Variants in R3HDM4 observed in about 807,000 individuals in gnomAD.
R3HDM4 encodes R3H domain-containing protein 4.
R3HDM4 carries 30 observed loss-of-function variants against 31.3 expected under a neutral mutation model. That is an observed-to-expected ratio of 0.96 (90% CI 0.72 to 1.30). The LOEUF is 1.30. Among genes scored for constraint, R3HDM4 ranks in the 50% most tolerant of loss-of-function variants. The pLI is 0.00. For synonymous variants in R3HDM4, 196 were observed against 156.6 expected (o/e 1.25, Z -1.88); for missense variants, 444 against 366.1 (o/e 1.21, Z -1.74).
chr19:898,059 G>C (rs1250442657), intron 7 of R3HDM4, among the ~76,000 whole-genome samples: 2 of 152,094 alleles, frequency 1.3e-5, no homozygotes, highest in African/African-American at 4.8e-5. Flanking sequence ...TCTGAGGTCA[G>C]GAGGTCGAGA....
At position 913,096 on chromosome 19, in the gene R3HDM4, C is replaced by T. The variant is rs1346226914; in HGVS notation, c.62G>A (p.Arg21Gln). The T allele has an allele frequency of 9.3e-7, 1 of 1,073,566 alleles. No homozygotes were observed. Among genetic ancestry groups the T allele is most frequent in the Non-Finnish European group, 1.1e-6 (1 of 888,748 alleles). 66.5% of individuals were successfully genotyped at this position (1,073,566 alleles called of 1,614,324 possible). A position where few individuals can be genotyped will look rare whatever the true frequency, so the allele number is the denominator to read the frequency against. Residue 21 changes from arginine (R) to glutamine (Q), a missense_variant, in exon 1 of 8, where the codon CGG becomes CAG. Transcript: ENST00000361574. The surrounding 1 kb of genome is among the most constrained non-coding windows in gnomAD (Gnocchi z 5.0). The part of the protein sequence containing the change: ...PEAAEGTPGG[R>Q]RLLPLPSCLP... ...GCCCGCCCGCGCTCACAGCAGCCGC[C>T]GCCCGCCCGGGGTGCCCTCCGCCGC...
chr19:909,192 ACTC>A (rs771311667), intron 1 of R3HDM4, among the ~76,000 whole-genome samples: 5 of 152,000 alleles, frequency 3.3e-5, no homozygotes, highest in Admixed American at 6.6e-5. Flanking sequence ...TCCCAATTCT[ACTC>A]CTTGCAGATT....
At position 899,654 on chromosome 19, in the gene R3HDM4, A is replaced by C; in HGVS notation, c.594T>G (p.Leu198=). The C allele has an allele frequency of 6.2e-7, 1 of 1,603,768 alleles. No individual in the cohort carries two copies. Among genetic ancestry groups the C allele is most frequent in the Admixed American group, 1.7e-5 (1 of 58,152 alleles). Residue 198 remains leucine (L), a synonymous_variant, in exon 6 of 8, where the codon CTT becomes CTG. Transcript: ENST00000361574. This position sits in a 1 kb window ranked among gnomAD's most constrained non-coding sequence, Gnocchi z 6.8. ...CCTGGGGGGACACGGAGAAGAACCGAAGCAGCCGCTCCTCCCAGGTCTCCA... is the reference window on the plus strand; with the variant it reads ...CCTGGGGGGACACGGAGAAGAACCGCAGCAGCCGCTCCTCCCAGGTCTCCA... ...ETLETWEERL[L]RFFSVSPQAV...
chr19:913,050 C>G lies in R3HDM4; in HGVS notation c.71+37G>C, dbSNP rs771628262. 114 of 886,832 alleles carry G rather than the reference C, an allele frequency of 1.3e-4. No individual in the cohort carries two copies. The African/African-American group carries it at 1.9e-3, about 15-fold the overall frequency. The allele number at this position is 886,832 out of a possible 1,614,324, so 54.9% of individuals were successfully genotyped here. ...TCTCAGGGGAGGGAGCCCAGCCCGCCCCCGGCGCCCGCCGCGCCCCGCCCG... is the reference window on the plus strand; with the variant it reads ...TCTCAGGGGAGGGAGCCCAGCCCGCGCCCGGCGCCCGCCGCGCCCCGCCCG... On this transcript the variant is annotated intron_variant, in intron 1 of 7. Coordinates refer to ENST00000361574, the MANE Select transcript of R3HDM4 (RefSeq NM_138774.4). The surrounding 1 kb of genome is among the most constrained non-coding windows in gnomAD (Gnocchi z 5.0).
chr19:898,524 C>A (rs1187717625), intron 7 of R3HDM4, among the ~76,000 whole-genome samples: 1 of 151,326 alleles, frequency 6.6e-6, no homozygotes, highest in Non-Finnish European at 1.5e-5. Flanking sequence ...CGCTTGAACC[C>A]GGAGGTGGAG....
chr19:901,891 G>T, intron 2 of R3HDM4, 85 bp downstream of exon 2: 3 of 1,526,178 alleles, frequency 2.0e-6, no homozygotes, highest in Non-Finnish European at 2.7e-6. Flanking sequence ...CACAGCTCAT[G>T]GGAGGGGTAA....
At chr19:902,242 C>G in intron 1 of R3HDM4, 112 bp from the exon 2 acceptor site, 1 of 1,213,268 alleles carries the variant, frequency 8.2e-7, no homozygotes, top group Non-Finnish European at 1.2e-6. Context: ...GAGAGCTCAC[C>G]CCTACGGTGT....
At chr19:912,829 A>T (rs1228014264) in intron 1 of R3HDM4, among the ~76,000 whole-genome samples, 7 of 151,534 alleles carry the variant, frequency 4.6e-5, no homozygotes, top group African/African-American at 1.7e-4. Context: ...CCCCTCCCCC[A>T]GCGAGCCCCC....
intron 1 of R3HDM4, among the ~76,000 whole-genome samples, chr19:905,916 C>G (rs558683851): frequency 4.9e-4 from 74 of 152,322 alleles, no homozygotes; most frequent in Middle Eastern, 3.4e-3. Flanking sequence ...ATGGCCCAGG[C>G]AAGCCTGGCA....
At position 897,088 on chromosome 19, in the gene R3HDM4, A is replaced by G. The variant is rs1239048045; in HGVS notation, c.*349T>C. 1 of 229,354 alleles carries G rather than the reference A, an allele frequency of 4.4e-6. No homozygotes were observed. The highest frequency in any genetic ancestry group is 8.4e-6 in the Non-Finnish European group (1 of 119,186). 14.2% of individuals were successfully genotyped at this position (229,354 alleles called of 1,614,324 possible). A position where few individuals can be genotyped will look rare whatever the true frequency, so the allele number is the denominator to read the frequency against. Reference sequence around the variant, plus strand: ...AAAAATCTACAACAAATCACACCAAATTCATTAAAAGTGATAAAAACCCAG... The same window carrying G: ...AAAAATCTACAACAAATCACACCAAGTTCATTAAAAGTGATAAAAACCCAG... On this transcript the variant is annotated 3_prime_UTR_variant, in exon 8 of 8. Transcript: ENST00000361574.
In R3HDM4 at chr19:908,226, AC is replaced by A. The variant is rs1301612249; in HGVS notation, c.71+4860del. ...CAAAAACAAAAACAAAAACAAAAAA[AC>A]ATCTGGCCTCTGGGGTAGACAGGGG... is the stretch of plus-strand genomic sequence containing the variant. On this transcript the variant is annotated intron_variant, in intron 1 of 7. Coordinates refer to ENST00000361574, the MANE Select transcript of R3HDM4 (RefSeq NM_138774.4). Among the ~76,000 whole-genome samples the A allele has an allele frequency of 7.2e-5, 11 of 152,082 alleles. No individual in the cohort carries two copies. In the South Asian group the frequency reaches 1.0e-3, roughly 14 times the overall value.
At chr19:912,097 AGGTGGGGGGGGGGGT>A (rs1568344667) in intron 1 of R3HDM4, among the ~76,000 whole-genome samples, 7 of 684 alleles carry the variant, frequency 0.01, no homozygotes, top group East Asian at 0.045. Context: ...GGCCCCGGGG[AGGTGGGGGGGGGGGT>A]GGACCAGGGA....
chr19:908,482 C>T (rs1637868), intron 1 of R3HDM4, among the ~76,000 whole-genome samples: 67,552 of 151,592 alleles, frequency 0.45, 17,607 homozygotes, highest in Non-Finnish European at 0.58. Flanking sequence ...TAGTGGTGGG[C>T]GCCTGTGGTC....
intron 1 of R3HDM4, among the ~76,000 whole-genome samples, chr19:906,582 A>C (rs2036908394): frequency 6.6e-6 from 1 of 151,972 alleles, no homozygotes; most frequent in African/African-American, 2.4e-5. Flanking sequence ...TGGGAGGGGT[A>C]CTCAGAGCCA....
chr19:909,177 G>A (rs937213068), intron 1 of R3HDM4, among the ~76,000 whole-genome samples: 8 of 152,208 alleles, frequency 5.3e-5, no homozygotes, highest in African/African-American at 1.9e-4. Context: ...AGGCCTCCCG[G>A]CCACTCCCAA....
chr19:905,765 A>G (rs2036896374), intron 1 of R3HDM4, among the ~76,000 whole-genome samples: 1 of 152,000 alleles, frequency 6.6e-6, no homozygotes, highest in Non-Finnish European at 1.5e-5. Flanking sequence ...GATAAACAGC[A>G]CAGTCTCCAC....
Position 899,996 on chromosome 19 carries a change from G to A in R3HDM4, c.561+65C>T. ...CTGCACCGGGTGAGAACCTGTGCCT[G>A]GGAAACGGGCCTTCAAAAAAGACCA... On this transcript the variant is annotated intron_variant, in intron 5 of 7. Coordinates refer to ENST00000361574, the MANE Select transcript of R3HDM4 (RefSeq NM_138774.4). The surrounding 1 kb of genome is among the most constrained non-coding windows in gnomAD (Gnocchi z 6.8). 2 of 1,498,000 alleles carry A rather than the reference G, an allele frequency of 1.3e-6. No homozygotes were observed. Among genetic ancestry groups the A allele is most frequent in the Non-Finnish European group, 1.9e-6 (2 of 1,077,028 alleles). 92.8% of individuals were successfully genotyped at this position (1,498,000 alleles called of 1,614,324 possible). A position where few individuals can be genotyped will look rare whatever the true frequency, so the allele number is the denominator to read the frequency against.
intron 1 of R3HDM4, among the ~76,000 whole-genome samples, chr19:912,453 T>G (rs1364045749): frequency 5.1e-5 from 3 of 58,916 alleles, no homozygotes; most frequent in African/African-American, 7.7e-5. Context: ...ACCGAGGAGT[T>G]GGGGGGCTGA....
chr19:901,369 G>A (rs941138993), intron 3 of R3HDM4, 53 bp downstream of exon 3: 16 of 1,567,940 alleles, frequency 1.0e-5, no homozygotes, highest in Admixed American at 1.8e-5. Context: ...CCTGGCCGTA[G>A]GAGAACTGCC....
Sources: allele counts gnomAD v4.1 joint callset (sites outside exome capture counted in the v4.1 genomes callset), GRCh38; gene constraint gnomAD v4.1.1; non-coding constraint Gnocchi (gnomAD v3.1); transcripts MANE v1.5; gene names NCBI Gene and HGNC (gene_info 2026-07-23, HGNC 2026-07-21).